The following GALNT17 variants were observed in gnomAD, a reference collection of about 807,000 sequenced individuals.
GALNT17 encodes the protein polypeptide N-acetylgalactosaminyltransferase 17, also known as UDP-GalNAc:polypeptide N-acetylgalactosaminyltransferase-like 3.
In GALNT17, 29 loss-of-function variants were observed where a neutral mutation model predicts 63.7. The ratio of observed to expected loss-of-function variants is 0.46; its 90% CI spans 0.34 to 0.62. The LOEUF (loss-of-function observed/expected upper bound fraction) is 0.62. GALNT17 is among the 20% of genes least tolerant of loss of function. The pLI, the probability that GALNT17 is intolerant of heterozygous loss-of-function variation, is 0.01. For synonymous variants in GALNT17, 305 were observed against 318.3 expected (o/e 0.96, Z 0.45); for missense variants, 603 against 799.6 (o/e 0.75, Z 2.97).
chr7:71,371,818 C>T (rs1157830260), intron 2 of GALNT17, among the ~76,000 whole-genome samples: 1 of 152,140 alleles, frequency 6.6e-6, no homozygotes, highest in East Asian at 1.9e-4. Flanking sequence ...AAAGGACCCC[C>T]AACACCATTT....
At chr7:71,212,671 G>A (rs1220965874) in intron 1 of GALNT17, among the ~76,000 whole-genome samples, 2 of 152,154 alleles carry the variant, frequency 1.3e-5, no homozygotes, top group African/African-American at 4.8e-5. Flanking sequence ...CCAAGACCAT[G>A]GGAACCCACC....
chr7:71,611,536 T>C (rs944284867), intron 6 of GALNT17, among the ~76,000 whole-genome samples: 8 of 152,100 alleles, frequency 5.3e-5, no homozygotes, highest in Non-Finnish European at 8.8e-5. Flanking sequence ...ATCTCTCTGC[T>C]CCTCCTCTTC....
intron 1 of GALNT17, among the ~76,000 whole-genome samples, chr7:71,221,908 A>ATTT (rs370780821): frequency 0.019 from 2,169 of 114,650 alleles, 54 homozygotes; most frequent in Non-Finnish European, 0.029. Context: ...CCTTATTTAG[A>ATTT]TTTTTTTTTT....
At chr7:71,628,951 A>T (rs1790416416) in intron 6 of GALNT17, among the ~76,000 whole-genome samples, 3 of 152,050 alleles carry the variant, frequency 2.0e-5, no homozygotes, top group South Asian at 4.2e-4. Flanking sequence ...ATTAAAATTT[A>T]AAAAAAAGCT....
At chr7:71,267,887 T>C (rs993902461) in intron 1 of GALNT17, among the ~76,000 whole-genome samples, 35 of 123,662 alleles carry the variant, frequency 2.8e-4, no homozygotes, top group Non-Finnish European at 4.8e-4. Context: ...CAGGCCCCAG[T>C]GTGTGTTTTT....
At chr7:71,628,319 T>C (rs1790405522) in intron 6 of GALNT17, among the ~76,000 whole-genome samples, 1 of 152,134 alleles carries the variant, frequency 6.6e-6, no homozygotes, top group East Asian at 1.9e-4. Context: ...AGAAATGCTT[T>C]TTTTTATTTT....
chr7:71,136,349 T>C (rs959291803), intron 1 of GALNT17, among the ~76,000 whole-genome samples: 2 of 152,306 alleles, frequency 1.3e-5, no homozygotes, highest in East Asian at 3.9e-4. Context: ...GCACTGTGCA[T>C]GTAAGAGGGC....
intron 6 of GALNT17, among the ~76,000 whole-genome samples, chr7:71,636,140 T>A (rs755333163): frequency 2.0e-5 from 3 of 152,226 alleles, no homozygotes; most frequent in African/African-American, 4.8e-5. Flanking sequence ...GGTATATCCA[T>A]CATCTGAGTA....
At chr7:71,536,307 C>G (rs957440318) in intron 5 of GALNT17, among the ~76,000 whole-genome samples, 1 of 152,080 alleles carries the variant, frequency 6.6e-6, no homozygotes, top group African/African-American at 2.4e-5. Context: ...GCTCAGAGAC[C>G]CAGACCCTAG....
chr7:71,559,721 C>T (rs1789220970), intron 5 of GALNT17, among the ~76,000 whole-genome samples: 1 of 151,332 alleles, frequency 6.6e-6, no homozygotes. Flanking sequence ...ATTCGCAGGG[C>T]ATGGTGGTGT....
At chr7:71,534,425 C>G (rs1446578909) in intron 5 of GALNT17, among the ~76,000 whole-genome samples, 1 of 151,886 alleles carries the variant, frequency 6.6e-6, no homozygotes, top group Non-Finnish European at 1.5e-5. Context: ...AGGTGAAACC[C>G]CGTCTCTACT....
At chr7:71,326,907 C>T (rs1166517068) in intron 1 of GALNT17, among the ~76,000 whole-genome samples, 1 of 152,186 alleles carries the variant, frequency 6.6e-6, no homozygotes, top group Non-Finnish European at 1.5e-5. Context: ...AGTAGAGATT[C>T]TCTTCTTTGT....
At chr7:71,502,254 G>A (rs919392151) in intron 5 of GALNT17, among the ~76,000 whole-genome samples, 4 of 152,154 alleles carry the variant, frequency 2.6e-5, no homozygotes, top group African/African-American at 9.7e-5. Flanking sequence ...CTTTTCCAAA[G>A]TTAATCACAT....
intron 5 of GALNT17, among the ~76,000 whole-genome samples, chr7:71,505,566 C>T (rs961646445): frequency 1.3e-5 from 2 of 152,076 alleles, no homozygotes; most frequent in Non-Finnish European, 2.9e-5. Flanking sequence ...TGCCACTGCT[C>T]TCCAGCCTGG....
intron 6 of GALNT17, among the ~76,000 whole-genome samples, chr7:71,595,924 G>A (rs1789878898): frequency 6.6e-6 from 1 of 152,174 alleles, no homozygotes; most frequent in South Asian, 2.1e-4. Context: ...TGGGAGATGA[G>A]GATCCCATAA....
chr7:71,579,735 G>A (rs967972242), intron 6 of GALNT17, among the ~76,000 whole-genome samples: 3 of 152,210 alleles, frequency 2.0e-5, no homozygotes, highest in African/African-American at 7.2e-5. Flanking sequence ...CCTCTTAGAT[G>A]CAGCGACAAC....
chr7:71,615,754 A>G (rs548629778), intron 6 of GALNT17, among the ~76,000 whole-genome samples: 1 of 152,286 alleles, frequency 6.6e-6, no homozygotes, highest in South Asian at 2.1e-4. Context: ...CTGGGATTAC[A>G]GGCGTGAGCC....
At chr7:71,520,674 A>G (rs1008297002) in intron 5 of GALNT17, among the ~76,000 whole-genome samples, 2 of 152,150 alleles carry the variant, frequency 1.3e-5, no homozygotes, top group African/African-American at 4.8e-5. Context: ...TGGAGGGGCC[A>G]TCCTGCCTGG....
chr7:71,624,362 G>A (rs984035993), intron 6 of GALNT17, among the ~76,000 whole-genome samples: 1 of 152,218 alleles, frequency 6.6e-6, no homozygotes, highest in African/African-American at 2.4e-5. Context: ...AACCAAGGGA[G>A]GGCTGTGTAG....
Sources: allele counts gnomAD v4.1 joint callset (sites outside exome capture counted in the v4.1 genomes callset), GRCh38; gene constraint gnomAD v4.1.1; transcripts MANE v1.5; gene names NCBI Gene and HGNC (gene_info 2026-07-23, HGNC 2026-07-21).